Variants in SNX25 observed in about 807,000 individuals in gnomAD.
SNX25 encodes the protein sorting nexin 25.
In SNX25, 62 loss-of-function variants were observed where a neutral mutation model predicts 113.7. The ratio of observed to expected loss-of-function variants is 0.55; its 90% CI spans 0.44 to 0.67. The LOEUF (loss-of-function observed/expected upper bound fraction) is 0.67. Among genes scored for constraint, SNX25 ranks in the 30% least tolerant of loss-of-function variants. The pLI is 0.00. For synonymous variants in SNX25, 421 were observed against 436.2 expected (o/e 0.97, Z 0.43); for missense variants, 1,014 against 1,161.0 (o/e 0.87, Z 1.84).
intron 6 of SNX25, among the ~76,000 whole-genome samples, chr4:185,304,449 C>T (rs1283611271): frequency 6.6e-6 from 1 of 152,176 alleles, no homozygotes; most frequent in African/African-American, 2.4e-5. Flanking sequence ...CCTCCACCTC[C>T]TGGGTTCAAG....
chr4:185,312,562 G>T (rs554160798), intron 7 of SNX25, among the ~76,000 whole-genome samples: 1 of 147,260 alleles, frequency 6.8e-6, no homozygotes, highest in African/African-American at 2.5e-5. Flanking sequence ...TCACTCTGTC[G>T]CCCAGGCTGG....
rs757761858 is a variant in SNX25 at position 185,258,930 on chromosome 4, C to T, written c.597C>T (p.Leu199=). ...ATGAGGGACAACTTTACCATCTGCT[C>T]TTGGAAGACTTTTGGGAAATTGCCA... is the stretch of plus-strand genomic sequence containing the variant. ...SRDEGQLYHL[L]LEDFWEIARQ... is the part of the protein sequence containing the mutation. The change falls in exon 3 of 19, where the codon CTC becomes CTT. Residue 199 remains leucine, a synonymous_variant. Coordinates refer to ENST00000652585, the MANE Select transcript of SNX25 (RefSeq NM_001378034.2). 20 of 1,614,048 alleles carry T rather than the reference C, an allele frequency of 1.2e-5. No individual in the cohort carries two copies. Among genetic ancestry groups the T allele is most frequent in the Non-Finnish European group, 1.6e-5 (19 of 1,180,024 alleles).
At chr4:185,279,067 A>C in intron 5 of SNX25, among the ~76,000 whole-genome samples, 1 of 151,966 alleles carries the variant, frequency 6.6e-6, no homozygotes, top group East Asian at 1.9e-4. Context: ...AATATAGATA[A>C]GATTAAGAAA....
At position 185,264,583 on chromosome 4, in the gene SNX25, A is replaced by T; in HGVS notation, c.877A>T (p.Met293Leu). Residue 293 changes from methionine to leucine, a missense_variant, in exon 4 of 19, where the codon ATG (methionine) becomes TTG (leucine). Met to Leu is a conservative substitution (Grantham distance 15). Transcript: ENST00000652585. Reference protein sequence around the residue: ...KDVQSLSLRIMLAEILTTKVL... With the variant: ...KDVQSLSLRILLAEILTTKVL... Reference sequence around the variant, plus strand: ...TGTGCAGTCTCTCAGCTTACGTATAATGCTTGCAGAAATTCTCACAACAAA... The same window carrying T: ...TGTGCAGTCTCTCAGCTTACGTATATTGCTTGCAGAAATTCTCACAACAAA... 1 of 1,613,990 alleles carries T rather than the reference A, an allele frequency of 6.2e-7. No homozygotes were observed. Among genetic ancestry groups the T allele is most frequent in the South Asian group, 1.1e-5 (1 of 91,070 alleles).
At chr4:185,323,168 CT>C (rs1204534800) in intron 8 of SNX25, among the ~76,000 whole-genome samples, 5 of 152,158 alleles carry the variant, frequency 3.3e-5, no homozygotes, top group African/African-American at 9.6e-5. Flanking sequence ...CTTCTAGTTA[CT>C]TATATTAGGT....
rs537334327 is a variant in SNX25 at position 185,266,486 on chromosome 4, G to A, written c.905-483G>A. Among the ~76,000 whole-genome samples, 11 of 151,920 alleles carry A rather than the reference G, an allele frequency of 7.2e-5. No individual in the cohort carries two copies. In the South Asian group the frequency reaches 2.1e-3, roughly 29 times the overall value. On this transcript the variant is annotated intron_variant, in intron 4 of 18. Coordinates refer to ENST00000652585, the MANE Select transcript of SNX25 (RefSeq NM_001378034.2). The stretch of plus-strand genomic sequence containing the variant: ...AGCAATTCTCCTGCCTCAGTCTCCC[G>A]AGTAGCTAGGATTACAGACATGTGC...
chr4:185,230,497 A>G (rs1741681184), intron 1 of SNX25, among the ~76,000 whole-genome samples: 2 of 151,968 alleles, frequency 1.3e-5, no homozygotes, highest in Admixed American at 1.3e-4. Flanking sequence ...GGTTCAAGCA[A>G]TTCTCCTGCC....
At position 185,337,091 on chromosome 4, in the gene SNX25, A is replaced by AT. The variant is rs531716632; in HGVS notation, c.1915-2281dup. Among the ~76,000 whole-genome samples, 14 of 152,016 alleles carry AT rather than the reference A, an allele frequency of 9.2e-5. 1 individual carries two copies. The South Asian group carries it at 2.5e-3, about 27-fold the overall frequency. On this transcript the variant is annotated intron_variant, in intron 10 of 18. Coordinates refer to ENST00000652585, the MANE Select transcript of SNX25 (RefSeq NM_001378034.2). ...TTTGTTGGATGTATAGATCATGAAG[A>AT]TTTTTTTCCCACTCTGTGGGTTGTC...
At chr4:185,304,338 C>T (rs1456584062) in intron 6 of SNX25, among the ~76,000 whole-genome samples, 1 of 152,142 alleles carries the variant, frequency 6.6e-6, no homozygotes. Flanking sequence ...GTGCATGCCA[C>T]CACGCCTGGC....
At position 185,334,336 on chromosome 4, in the gene SNX25, G is replaced by A. The variant is rs1051273525; in HGVS notation, c.1914+1577G>A. Among the ~76,000 whole-genome samples the A allele has an allele frequency of 2.0e-5, 3 of 152,046 alleles. No homozygotes were observed. Among genetic ancestry groups the A allele is most frequent in the African/African-American group, 7.2e-5 (3 of 41,388 alleles). ...CTGGGTGACACAGCAAGACTCCATCGATCAATCAATCAATAAAAAATAAGA... is the reference window on the plus strand; with the variant it reads ...CTGGGTGACACAGCAAGACTCCATCAATCAATCAATCAATAAAAAATAAGA... On this transcript the variant is annotated intron_variant, in intron 10 of 18. Transcript: ENST00000652585. This position sits in a 1 kb window ranked among gnomAD's most constrained non-coding sequence, Gnocchi z 4.2.
At chr4:185,301,059 A>G (rs976622824) in intron 6 of SNX25, among the ~76,000 whole-genome samples, 3 of 151,934 alleles carry the variant, frequency 2.0e-5, no homozygotes, top group African/African-American at 7.3e-5. Flanking sequence ...GGGTCATAAG[A>G]CCCTCATTCC....
chr4:185,295,137 C>T (rs888064741), intron 6 of SNX25, among the ~76,000 whole-genome samples: 11 of 152,124 alleles, frequency 7.2e-5, no homozygotes, highest in African/African-American at 2.4e-4. Context: ...AAAATCTCCC[C>T]AAAATATAAT....
rs887531135 is a variant in SNX25, at chr4:185,239,394, A to C, written c.430-7900A>C. On this transcript the variant is annotated intron_variant, in intron 1 of 18. Transcript: ENST00000652585. ...GCTACTCGGGAGGCTGAGGCAGGAG[A>C]ATGGCTTGAACCCAGGACGCGGAGC... Among the ~76,000 whole-genome samples the C allele has an allele frequency of 1.1e-4, 16 of 152,226 alleles. No individual in the cohort carries two copies. The East Asian group carries it at 2.3e-3, about 22-fold the overall frequency.
chr4:185,276,880 T>G (rs1020535938), intron 5 of SNX25, among the ~76,000 whole-genome samples: 2 of 152,190 alleles, frequency 1.3e-5, no homozygotes, highest in South Asian at 4.1e-4. Flanking sequence ...CTTCTCCACA[T>G]GCTCATTTGT....
chr4:185,358,784 T>C (rs988291147), intron 16 of SNX25, among the ~76,000 whole-genome samples: 3 of 152,186 alleles, frequency 2.0e-5, no homozygotes, highest in Non-Finnish European at 4.4e-5. Context: ...TCCTGCAGAA[T>C]AGGAATATGA....
At chr4:185,274,351 G>T (rs1560958105) in intron 5 of SNX25, among the ~76,000 whole-genome samples, 1 of 152,164 alleles carries the variant, frequency 6.6e-6, no homozygotes, top group Non-Finnish European at 1.5e-5. Context: ...GAGCCACCAT[G>T]CCCAGCCAAC....
downstream of SNX25, chr4:185,373,078 G>A (rs780082049): frequency 6.2e-7 from 1 of 1,603,968 alleles, no homozygotes; most frequent in Admixed American, 1.7e-5. Context: ...CCAGTAAAAT[G>A]CCTAAGAAAA....
chr4:185,223,588 G>T lies in SNX25; in HGVS notation c.429+13333G>T, dbSNP rs12501021. 4.2e-3 allele frequency among the ~76,000 whole-genome samples: 646 copies of T among 152,272 alleles called. 31 individuals are homozygous for T. The highest frequency in any genetic ancestry group is 0.041 in the Admixed American group (625 of 15,296). ...AGGCCGAGAAGGGTAGGACCATCCT[G>T]CCTAACACGGTGAAACCCTGTCTCT... On this transcript the variant is annotated intron_variant, in intron 1 of 18. Coordinates refer to ENST00000652585, the MANE Select transcript of SNX25 (RefSeq NM_001378034.2).
At chr4:185,357,408 T>G (rs1429040555) in intron 15 of SNX25, among the ~76,000 whole-genome samples, 2 of 152,202 alleles carry the variant, frequency 1.3e-5, no homozygotes, top group Admixed American at 1.3e-4. Context: ...AAGCACTCTT[T>G]CCGCTTGCGA....
Sources: allele counts gnomAD v4.1 joint callset (sites outside exome capture counted in the v4.1 genomes callset), GRCh38; gene constraint gnomAD v4.1.1; non-coding constraint Gnocchi (gnomAD v3.1); transcripts MANE v1.5; gene names NCBI Gene and HGNC (gene_info 2026-07-23, HGNC 2026-07-21).